The following CSMD1 variants were observed in gnomAD, a reference collection of about 807,000 sequenced individuals.
The protein encoded by CSMD1 is CUB and sushi domain-containing protein 1.
In CSMD1, 213 loss-of-function variants were observed where a neutral mutation model predicts 417.5. That is an observed-to-expected ratio of 0.51 (90% CI 0.46 to 0.57). The LOEUF (loss-of-function observed/expected upper bound fraction) is 0.57. Ranked by LOEUF, CSMD1 falls within the 20% of genes least tolerant of loss-of-function variation. CSMD1 has a pLI of 0.00. For missense variants in CSMD1, 6,923 were observed against 4,529.7 expected (o/e 1.53, Z -15.17); for synonymous variants, 2,862 against 1,736.8 (o/e 1.65, Z -16.11).
chr8:3,565,436 C>T (rs1395104616), intron 10 of CSMD1, among the ~76,000 whole-genome samples: 1 of 152,170 alleles, frequency 6.6e-6, no homozygotes, highest in Non-Finnish European at 1.5e-5. Context: ...ATCTCTACTT[C>T]TCCACCAATC....
intron 3 of CSMD1, among the ~76,000 whole-genome samples, chr8:4,385,538 C>G (rs958831776): frequency 6.6e-6 from 1 of 152,156 alleles, no homozygotes; most frequent in Non-Finnish European, 1.5e-5. Flanking sequence ...AATCTCCTTT[C>G]ATTTTTTTGG....
At chr8:3,911,923 C>T (rs1185707847) in intron 5 of CSMD1, among the ~76,000 whole-genome samples, 1 of 152,178 alleles carries the variant, frequency 6.6e-6, no homozygotes, top group African/African-American at 2.4e-5. Flanking sequence ...AAGGATTCTC[C>T]TCTATGTGTT....
chr8:4,601,862 G>C (rs75498939), intron 2 of CSMD1, among the ~76,000 whole-genome samples: 5,008 of 152,252 alleles, frequency 0.033, 281 homozygotes, highest in African/African-American at 0.11. Context: ...TTCTGAGTCA[G>C]AAGCACTGTG....
chr8:4,816,443 G>A (rs544790875), intron 1 of CSMD1, among the ~76,000 whole-genome samples: 2 of 152,080 alleles, frequency 1.3e-5, no homozygotes, highest in Admixed American at 6.6e-5. Flanking sequence ...GGCCAGGCTC[G>A]TCCCAAACTC....
intron 2 of CSMD1, among the ~76,000 whole-genome samples, chr8:4,560,198 A>C (rs953413811): frequency 2.0e-5 from 3 of 152,218 alleles, no homozygotes; most frequent in South Asian, 2.1e-4. Flanking sequence ...ATGCTGCAAG[A>C]AGCAGCAGCA....
At chr8:4,765,218 G>C (rs746873692) in intron 1 of CSMD1, among the ~76,000 whole-genome samples, 1 of 152,006 alleles carries the variant, frequency 6.6e-6, no homozygotes, top group Non-Finnish European at 1.5e-5. Context: ...AAATGGCATA[G>C]CTCTTACCTA....
rs567706055 is a variant in CSMD1, at chr8:3,413,117, A to G, written c.1562-3512T>C. ...AAAGGGTGGCCATGAGAATTAAAGA[A>G]TAAGATTCATGGAAATTACCTGGTA... On this transcript the variant is annotated intron_variant, in intron 12 of 69. Transcript: ENST00000635120. Among the ~76,000 whole-genome samples the G allele has an allele frequency of 2.0e-5, 3 of 152,220 alleles. No homozygotes were observed. In the South Asian group the frequency reaches 6.2e-4, roughly 32 times the overall value.
intron 10 of CSMD1, among the ~76,000 whole-genome samples, chr8:3,512,834 C>T (rs1287923279): frequency 6.6e-6 from 1 of 151,862 alleles, no homozygotes; most frequent in Admixed American, 6.6e-5. Flanking sequence ...TTGATCTCTT[C>T]ATCCGCCCAC....
intron 10 of CSMD1, among the ~76,000 whole-genome samples, chr8:3,497,174 A>G (rs775298227): frequency 4.6e-5 from 7 of 152,110 alleles, no homozygotes; most frequent in Admixed American, 1.3e-4. Flanking sequence ...GGTCTACACT[A>G]TAGTTTAAGT....
At chr8:4,707,469 C>A (rs1808013375) in intron 1 of CSMD1, among the ~76,000 whole-genome samples, 1 of 152,132 alleles carries the variant, frequency 6.6e-6, no homozygotes, top group Non-Finnish European at 1.5e-5. Context: ...ACAGAAACGC[C>A]TGAATTTTTA....
At chr8:3,997,192 A>G (rs1815283816) in intron 5 of CSMD1, among the ~76,000 whole-genome samples, 1 of 152,250 alleles carries the variant, frequency 6.6e-6, no homozygotes, top group Non-Finnish European at 1.5e-5. Context: ...AATTCAAGAT[A>G]GAAATTAAGG....
At chr8:3,525,954 A>C (rs1221104769) in intron 10 of CSMD1, among the ~76,000 whole-genome samples, 1 of 152,182 alleles carries the variant, frequency 6.6e-6, no homozygotes, top group African/African-American at 2.4e-5. Flanking sequence ...AAGCCTTACA[A>C]CAATTCTTCA....
In CSMD1 at chr8:3,108,759, C is replaced by A. The variant is rs1253518429; in HGVS notation, c.6609-11G>T. ...TGATCGGGACCGTCCCTAGGAAAGACAGAAAGAGGTGGCTGGCTAAGGATA... is the reference window on the plus strand; with the variant it reads ...TGATCGGGACCGTCCCTAGGAAAGAAAGAAAGAGGTGGCTGGCTAAGGATA... On this transcript the variant is annotated splice_polypyrimidine_tract_variant and intron_variant, in intron 43 of 69. Coordinates refer to ENST00000635120, the MANE Select transcript of CSMD1 (RefSeq NM_033225.6). The A allele has an allele frequency of 6.2e-7, 1 of 1,601,650 alleles. No individual in the cohort carries two copies.
rs531769729 is a variant in CSMD1 at position 3,187,974 on chromosome 8, C to T, written c.5524-9G>A. On this transcript the variant is annotated splice_polypyrimidine_tract_variant and intron_variant, in intron 35 of 69. Transcript: ENST00000635120. Reference sequence around the variant, plus strand: ...AAACTGATCACTTGGATCTACCAAACCATGACATTAAGTTAATATTTATTT... The same window carrying T: ...AAACTGATCACTTGGATCTACCAAATCATGACATTAAGTTAATATTTATTT... 6.2e-7 allele frequency: 1 copy of T among 1,608,712 alleles called. No homozygotes were observed. Among genetic ancestry groups the T allele is most frequent in the East Asian group, 2.2e-5 (1 of 44,756 alleles).
chr8:4,314,748 T>A (rs776994474), intron 3 of CSMD1, among the ~76,000 whole-genome samples: 33 of 152,212 alleles, frequency 2.2e-4, no homozygotes, highest in Non-Finnish European at 4.1e-4. Context: ...TTTACACATC[T>A]GACCCATGTC....
At chr8:4,601,025 C>G (rs986730589) in intron 2 of CSMD1, among the ~76,000 whole-genome samples, 3 of 148,352 alleles carry the variant, frequency 2.0e-5, no homozygotes, top group African/African-American at 7.5e-5. Flanking sequence ...GGTGCCATCT[C>G]GGCTCACTGC....
intron 61 of CSMD1, 106 bp downstream of exon 61, chr8:2,962,360 C>T (rs929972802): frequency 8.0e-6 from 8 of 1,002,838 alleles, no homozygotes; most frequent in Non-Finnish European, 1.0e-5. Context: ...AGAAAACTGT[C>T]TATGGAAACA....
chr8:4,522,040 G>A (rs572699486), intron 2 of CSMD1, among the ~76,000 whole-genome samples: 5 of 152,234 alleles, frequency 3.3e-5, no homozygotes, highest in East Asian at 1.9e-4. Context: ...TCATTGATAC[G>A]GTTTGGCTGT....
intron 1 of CSMD1, among the ~76,000 whole-genome samples, chr8:4,753,522 G>A (rs1271493620): frequency 4.0e-5 from 6 of 151,194 alleles, no homozygotes; most frequent in African/African-American, 9.7e-5. Flanking sequence ...GCCCACACTC[G>A]TTGCTCGGTA....
Sources: gnomAD v4.1 joint callset for allele counts (sites outside exome capture counted in the v4.1 genomes callset) on GRCh38, gnomAD v4.1.1 for gene constraint, MANE v1.5 for transcripts, NCBI Gene and HGNC (gene_info 2026-07-23, HGNC 2026-07-21) for gene names.